The following IL15 variants were observed in gnomAD, a reference collection of about 807,000 sequenced individuals.
IL15 encodes interleukin-15.
A neutral mutation model predicts 19.6 loss-of-function variants in IL15; 11 were observed. That is an observed-to-expected ratio of 0.56 (90% CI 0.35 to 0.93). The LOEUF is 0.93. IL15 is among the 40% of genes least tolerant of loss of function. The probability of loss-of-function intolerance (pLI) is 0.01; values close to 1 mark genes in which losing one functional copy is unlikely to be tolerated. For synonymous variants in IL15, 58 were observed against 59.6 expected (o/e 0.97, Z 0.12); for missense variants, 197 against 186.5 (o/e 1.06, Z -0.33).
At chr4:141,639,302 G>C (rs1726965295) in intron 1 of IL15, among the ~76,000 whole-genome samples, 1 of 152,136 alleles carries the variant, frequency 6.6e-6, no homozygotes, top group Non-Finnish European at 1.5e-5. Flanking sequence ...TTTTCAGGCA[G>C]CGTTGTAATG....
chr4:141,649,150 C>T (rs1037162408), intron 1 of IL15, among the ~76,000 whole-genome samples: 5 of 152,152 alleles, frequency 3.3e-5, no homozygotes, highest in African/African-American at 9.6e-5. Context: ...GTATCTCTTC[C>T]GTGCCCCCTT....
At chr4:141,658,706 G>A (rs1396135950) in intron 2 of IL15, among the ~76,000 whole-genome samples, 3 of 151,426 alleles carry the variant, frequency 2.0e-5, no homozygotes, top group African/African-American at 7.3e-5. Flanking sequence ...GAGGAAAAAG[G>A]CAGTTTATTT....
chr4:141,658,690 C>A (rs543668872), intron 2 of IL15, among the ~76,000 whole-genome samples: 42 of 150,448 alleles, frequency 2.8e-4, no homozygotes, highest in Non-Finnish European at 5.5e-4. Flanking sequence ...TTTATAAGAA[C>A]TCCAAGAGGA....
intron 2 of IL15, among the ~76,000 whole-genome samples, chr4:141,680,258 A>G (rs1301398945): frequency 1.3e-5 from 2 of 152,170 alleles, no homozygotes; most frequent in Non-Finnish European, 2.9e-5. Flanking sequence ...TGATAGCAGT[A>G]TTTTATTATA....
intron 2 of IL15, among the ~76,000 whole-genome samples, chr4:141,663,614 A>G (rs1001355295): frequency 6.6e-6 from 1 of 152,226 alleles, no homozygotes; most frequent in African/African-American, 2.4e-5. Flanking sequence ...AGGCCTGTTC[A>G]GATTCTTCTT....
chr4:141,695,314 T>A (rs952840285), intron 2 of IL15, among the ~76,000 whole-genome samples: 1 of 133,812 alleles, frequency 7.5e-6, no homozygotes, highest in African/African-American at 2.9e-5. Flanking sequence ...ATTCCACATA[T>A]GAGTGAGATT....
In IL15 at chr4:141,729,955, C is replaced by G. The variant is rs116501276; in HGVS notation, c.349C>G (p.Leu117Val). 3.7e-6 allele frequency: 6 copies of G among 1,607,894 alleles called. No individual in the cohort carries two copies. The highest frequency in any genetic ancestry group is 5.1e-6 in the Non-Finnish European group (6 of 1,174,676). Residue 117 changes from leucine to valine, a missense_variant, in exon 7 of 8, where the codon CTA becomes GTA. Coordinates refer to ENST00000320650, the MANE Select transcript of IL15 (RefSeq NM_000585.5). Reference protein sequence around the residue: ...IHDTVENLIILANNSLSSNGN... With the variant: ...IHDTVENLIIVANNSLSSNGN... ...TGATACAGTAGAAAATCTGATCATC[C>G]TAGCAAACAACAGTTTGTCTTCTAA...
At chr4:141,730,620 G>A (rs185684128) in intron 7 of IL15, among the ~76,000 whole-genome samples, 12 of 152,152 alleles carry the variant, frequency 7.9e-5, no homozygotes, top group African/African-American at 2.9e-4. Context: ...TTAATGATTC[G>A]AGTATAATCT....
At chr4:141,711,007 G>A (rs980830936) in intron 2 of IL15, among the ~76,000 whole-genome samples, 11 of 152,008 alleles carry the variant, frequency 7.2e-5, no homozygotes, top group Non-Finnish European at 1.3e-4. Context: ...CTAGCATTGC[G>A]ACTGATGATA....
chr4:141,643,822 C>T (rs1292720125), intron 1 of IL15, among the ~76,000 whole-genome samples: 1 of 151,736 alleles, frequency 6.6e-6, no homozygotes, highest in Non-Finnish European at 1.5e-5. Context: ...CTAGCCATGA[C>T]CTCTCCCCTG....
At chr4:141,708,359 A>C (rs1729595263) in intron 2 of IL15, among the ~76,000 whole-genome samples, 1 of 152,182 alleles carries the variant, frequency 6.6e-6, no homozygotes, top group South Asian at 2.1e-4. Context: ...GGATGGAGAC[A>C]GTCAGTTGCT....
chr4:141,706,935 A>G (rs1195271213), intron 2 of IL15, among the ~76,000 whole-genome samples: 1 of 152,114 alleles, frequency 6.6e-6, no homozygotes, highest in Non-Finnish European at 1.5e-5. Flanking sequence ...TCCTGAATCT[A>G]GATGTTTGTA....
chr4:141,710,610 A>G (rs1729685085), intron 2 of IL15, among the ~76,000 whole-genome samples: 1 of 152,090 alleles, frequency 6.6e-6, no homozygotes, highest in African/African-American at 2.4e-5. Flanking sequence ...TGGTATGTTT[A>G]GACTTACTAC....
intron 4 of IL15, chr4:141,721,479 A>T (rs1265529441): frequency 7.0e-6 from 4 of 571,572 alleles, no homozygotes; most frequent in Non-Finnish European, 1.3e-5. Context: ...GTGTAAAAAA[A>T]ATTTACTATC....
chr4:141,666,132 G>C (rs1727975179), intron 2 of IL15, among the ~76,000 whole-genome samples: 1 of 95,272 alleles, frequency 1.0e-5, no homozygotes, highest in Admixed American at 1.1e-4. Flanking sequence ...ACGGAGTCTC[G>C]CTCTGTCGCC....
At chr4:141,669,008 A>G (rs1405674713) in intron 2 of IL15, among the ~76,000 whole-genome samples, 1 of 152,170 alleles carries the variant, frequency 6.6e-6, no homozygotes, top group Non-Finnish European at 1.5e-5. Context: ...CAGATTTGTC[A>G]TCTTAATGGC....
intron 1 of IL15, among the ~76,000 whole-genome samples, chr4:141,654,119 A>G (rs964505932): frequency 2.0e-5 from 3 of 152,206 alleles, no homozygotes; most frequent in African/African-American, 7.2e-5. Flanking sequence ...CTAAGGAACA[A>G]CACCTGATGG....
rs142808418 is a variant in IL15 at position 141,715,306 on chromosome 4, C to T, written c.-99-4060C>T. On this transcript the variant is annotated intron_variant, in intron 2 of 7. Transcript: ENST00000320650. The stretch of plus-strand genomic sequence containing the variant: ...CTCTTGCCCTTGCTCATTCCACTGG[C>T]TTCTTTTCTGTCCCTTAGACTCATA... 8 of 152,486 alleles carry T rather than the reference C, an allele frequency of 5.2e-5. No individual in the cohort carries two copies. In the East Asian group the frequency reaches 1.5e-3, roughly 29 times the overall value. 9.4% of individuals were successfully genotyped at this position (152,486 alleles called of 1,614,324 possible). A position where few individuals can be genotyped will look rare whatever the true frequency, so the allele number is the denominator to read the frequency against.
At chr4:141,718,745 G>A (rs1311863558) in intron 2 of IL15, 1 of 152,122 alleles carries the variant, frequency 6.6e-6, no homozygotes, top group East Asian at 1.9e-4. Flanking sequence ...GTTTTTTGTG[G>A]AAGAGGTCAC....
Sources: gnomAD v4.1 joint callset for allele counts (sites outside exome capture counted in the v4.1 genomes callset) on GRCh38, gnomAD v4.1.1 for gene constraint, MANE v1.5 for transcripts, NCBI Gene and HGNC (gene_info 2026-07-23, HGNC 2026-07-21) for gene names.